Variants in NCAM2 observed in about 807,000 individuals in gnomAD.
NCAM2 encodes neural cell adhesion molecule 2, also known as N-CAM-2.
In NCAM2, 30 loss-of-function variants were observed where a neutral mutation model predicts 98.1. The ratio of observed to expected loss-of-function variants is 0.31; its 90% CI spans 0.23 to 0.41. The LOEUF (loss-of-function observed/expected upper bound fraction) is 0.41. Ranked by LOEUF, NCAM2 falls within the 10% of genes least tolerant of loss-of-function variation. The probability of loss-of-function intolerance (pLI) is 1.00; values close to 1 mark genes in which losing one functional copy is unlikely to be tolerated. For synonymous variants in NCAM2, 368 were observed against 342.4 expected (o/e 1.07, Z -0.83); for missense variants, 867 against 1,005.8 (o/e 0.86, Z 1.87).
At chr21:21,444,230 T>A (rs1432535627) in intron 12 of NCAM2, among the ~76,000 whole-genome samples, 1 of 152,200 alleles carries the variant, frequency 6.6e-6, no homozygotes, top group Non-Finnish European at 1.5e-5. Context: ...CTGGATTCAG[T>A]TTGCCAGTAT....
At chr21:21,063,725 A>G (rs2065372319) in intron 1 of NCAM2, among the ~76,000 whole-genome samples, 1 of 152,124 alleles carries the variant, frequency 6.6e-6, no homozygotes, top group Non-Finnish European at 1.5e-5. Flanking sequence ...TAATACACTA[A>G]TATCAGTGGT....
At chr21:21,112,598 G>GAC (rs1161848265) in intron 1 of NCAM2, among the ~76,000 whole-genome samples, 1 of 152,072 alleles carries the variant, frequency 6.6e-6, no homozygotes, top group Non-Finnish European at 1.5e-5. Context: ...GTTATTTTTT[G>GAC]ACACACTGAT....
intron 1 of NCAM2, among the ~76,000 whole-genome samples, chr21:21,251,742 A>AT (rs1343023554): frequency 5.7e-4 from 15 of 26,466 alleles, no homozygotes; most frequent in African/African-American, 1.6e-3. Context: ...CCACTTTTTG[A>AT]TGTTTTTTTT....
At chr21:21,143,824 G>T (rs2067219204) in intron 1 of NCAM2, among the ~76,000 whole-genome samples, 2 of 95,870 alleles carry the variant, frequency 2.1e-5, no homozygotes, top group Admixed American at 1.1e-4. Flanking sequence ...TTTTTTTCCA[G>T]CAGTTATTTG....
intron 1 of NCAM2, among the ~76,000 whole-genome samples, chr21:21,241,811 C>T (rs1022038291): frequency 5.9e-5 from 9 of 151,722 alleles, no homozygotes; most frequent in African/African-American, 1.5e-4. Flanking sequence ...TGGTTTTGAT[C>T]GATAAAATTT....
intron 1 of NCAM2, chr21:21,147,112 G>A: frequency 1.0e-6 from 1 of 976,930 alleles, no homozygotes; most frequent in South Asian, 4.8e-5. Flanking sequence ...CATACCCTTT[G>A]CCTTCTAAGC....
At chr21:21,413,930 G>A (rs956882136) in intron 10 of NCAM2, among the ~76,000 whole-genome samples, 3 of 152,112 alleles carry the variant, frequency 2.0e-5, no homozygotes, top group Non-Finnish European at 4.4e-5. Context: ...ATATAATACT[G>A]TTTGTTAGGA....
intron 9 of NCAM2, among the ~76,000 whole-genome samples, chr21:21,405,924 TTTTTA>T (rs1328258167): frequency 2.0e-5 from 3 of 152,300 alleles, no homozygotes; most frequent in East Asian, 1.9e-4. Flanking sequence ...TAACTGTAGC[TTTTTA>T]TTTTAACTCT....
intron 16 of NCAM2, among the ~76,000 whole-genome samples, chr21:21,511,963 T>C (rs1988412584): frequency 6.6e-6 from 1 of 151,928 alleles, no homozygotes; most frequent in Non-Finnish European, 1.5e-5. Context: ...TTTTTTCCTG[T>C]TTTGTTTGAG....
chr21:21,110,165 C>G (rs925557413), intron 1 of NCAM2, among the ~76,000 whole-genome samples: 1 of 152,270 alleles, frequency 6.6e-6, no homozygotes, highest in East Asian at 1.9e-4. Context: ...TCAGCGTCCT[C>G]ATGACAGAAA....
chr21:21,122,764 C>T (rs191120574), intron 1 of NCAM2, among the ~76,000 whole-genome samples: 1 of 152,270 alleles, frequency 6.6e-6, no homozygotes, highest in African/African-American at 2.4e-5. Flanking sequence ...CCTGCTGTGT[C>T]CATCAGAACT....
At chr21:21,425,988 T>C (rs150301736) in intron 11 of NCAM2, among the ~76,000 whole-genome samples, 22 of 152,196 alleles carry the variant, frequency 1.4e-4, no homozygotes, top group Admixed American at 9.8e-4. Flanking sequence ...ATTTGGTTTT[T>C]GGTGTAGGTC....
chr21:21,443,947 G>T (rs189670740), intron 12 of NCAM2, among the ~76,000 whole-genome samples: 1 of 152,180 alleles, frequency 6.6e-6, no homozygotes, highest in Admixed American at 6.6e-5. Context: ...TCTAGTTTTT[G>T]CCCATTCAAT....
chr21:21,280,307 C>G (rs947595087), intron 1 of NCAM2, among the ~76,000 whole-genome samples: 13 of 152,086 alleles, frequency 8.5e-5, no homozygotes, highest in Admixed American at 7.9e-4. Context: ...AACAGATTGT[C>G]TGAGTGTGAA....
intron 11 of NCAM2, among the ~76,000 whole-genome samples, chr21:21,428,402 T>A (rs2077260718): frequency 6.6e-6 from 1 of 152,222 alleles, no homozygotes; most frequent in Admixed American, 6.5e-5. Flanking sequence ...ATCCTGAACA[T>A]GAGGCTGAAA....
At chr21:21,254,757 G>T (rs1041915334) in intron 1 of NCAM2, among the ~76,000 whole-genome samples, 1 of 151,976 alleles carries the variant, frequency 6.6e-6, no homozygotes, top group Non-Finnish European at 1.5e-5. Flanking sequence ...ATGTGTAGGG[G>T]TGTTAGAATA....
intron 12 of NCAM2, among the ~76,000 whole-genome samples, chr21:21,439,275 C>T (rs1239352781): frequency 1.1e-4 from 17 of 152,110 alleles, no homozygotes; most frequent in African/African-American, 3.9e-4. Context: ...CGCGCCATCA[C>T]ATCTGGCTAA....
chr21:21,332,495 C>T (rs371511409), intron 6 of NCAM2, among the ~76,000 whole-genome samples: 3 of 152,118 alleles, frequency 2.0e-5, no homozygotes, highest in Non-Finnish European at 4.4e-5. Flanking sequence ...ATTCCTGGTG[C>T]TGTGTGAGCT....
intron 1 of NCAM2, among the ~76,000 whole-genome samples, chr21:21,002,487 A>C (rs1268020176): frequency 6.6e-6 from 1 of 152,196 alleles, no homozygotes; most frequent in Non-Finnish European, 1.5e-5. Flanking sequence ...TGAGGCTAGT[A>C]ACCAAGCTGA....
Sources: gnomAD v4.1 joint callset for allele counts (sites outside exome capture counted in the v4.1 genomes callset) on GRCh38, gnomAD v4.1.1 for gene constraint, MANE v1.5 for transcripts, NCBI Gene and HGNC (gene_info 2026-07-23, HGNC 2026-07-21) for gene names.